The following TRMT9B variants were observed in gnomAD, a reference collection of about 807,000 sequenced individuals.
The protein encoded by TRMT9B is probable tRNA methyltransferase 9B.
Under a neutral mutation model 11.5 loss-of-function variants are expected in TRMT9B, and 16 were observed. The ratio of observed to expected loss-of-function variants is 1.39; its 90% CI spans 0.94 to 2.11. The LOEUF (loss-of-function observed/expected upper bound fraction) is 2.11. Among genes scored for constraint, TRMT9B ranks in the 30% most tolerant of loss-of-function variants. The pLI is 0.00. For synonymous variants in TRMT9B, 274 were observed against 192.4 expected (o/e 1.42, Z -3.51); for missense variants, 941 against 553.8 (o/e 1.70, Z -7.02).
At chr8:12,971,835 T>C (rs1803680641) in intron 1 of TRMT9B, among the ~76,000 whole-genome samples, 2 of 152,236 alleles carry the variant, frequency 1.3e-5, no homozygotes, top group Non-Finnish European at 2.9e-5. Context: ...ATATTTCCTA[T>C]TTATTTGTCC....
rs900325116 is a variant in TRMT9B, at chr8:13,006,221, C to G, written c.19C>G (p.Gln7Glu). The G allele has an allele frequency of 6.2e-7, 1 of 1,613,936 alleles. No homozygotes were observed. ...CTCCAGGATGGATCATGAAGCCGCC[C>G]AGCTGGAGAAGCAGCATGTGCACAA... MDHEAAQLEKQHVHNVY... is the reference protein window; with the variant it reads MDHEAAELEKQHVHNVY... Residue 7 changes from glutamine (Q) to glutamate (E), a missense_variant, in exon 3 of 5, where the codon CAG becomes GAG. Transcript: ENST00000524591.
At chr8:13,008,403 G>A (rs995623977) in intron 3 of TRMT9B, among the ~76,000 whole-genome samples, 4 of 152,144 alleles carry the variant, frequency 2.6e-5, no homozygotes, top group Non-Finnish European at 4.4e-5. Context: ...ACTTGATTAC[G>A]GTATGGGAGC....
At chr8:12,949,014 C>G (rs868674750) in intron 1 of TRMT9B, among the ~76,000 whole-genome samples, 2 of 152,242 alleles carry the variant, frequency 1.3e-5, no homozygotes, top group South Asian at 4.2e-4. Flanking sequence ...TCATAGTTGT[C>G]TAATTTCTGT....
At chr8:13,005,301 G>C (rs957775149) in intron 2 of TRMT9B, among the ~76,000 whole-genome samples, 4 of 152,092 alleles carry the variant, frequency 2.6e-5, no homozygotes, top group Admixed American at 6.5e-5. Context: ...AAGCGTAGCG[G>C]GGAGGTGGGA....
intron 1 of TRMT9B, among the ~76,000 whole-genome samples, chr8:12,979,355 T>C (rs966618843): frequency 2.6e-5 from 4 of 152,132 alleles, no homozygotes; most frequent in African/African-American, 9.7e-5. Flanking sequence ...GCCTTAGCAC[T>C]ACAGCTTCAA....
chr8:13,006,411 A>G lies in TRMT9B; in HGVS notation c.154+55A>G, dbSNP rs965996245. 53 of 1,497,436 alleles carry G rather than the reference A, an allele frequency of 3.5e-5. No individual in the cohort carries two copies. The South Asian group carries it at 5.6e-4, about 16-fold the overall frequency. The allele number at this position is 1,497,436 out of a possible 1,614,324, so 92.8% of individuals were successfully genotyped here. A position where few individuals can be genotyped will look rare whatever the true frequency, so the allele number is the denominator to read the frequency against. On this transcript the variant is annotated intron_variant, in intron 3 of 4. Coordinates refer to ENST00000524591, the MANE Select transcript of TRMT9B (RefSeq NM_020844.3). ...GTAACCAGGCAGCCTCATCGCTGAC[A>G]TAGGTAACCAGGCAGCCTCATCGCT...
chr8:12,974,235 C>T (rs1804073151), intron 1 of TRMT9B, among the ~76,000 whole-genome samples: 1 of 151,986 alleles, frequency 6.6e-6, no homozygotes, highest in African/African-American at 2.4e-5. Context: ...CCTTCACCAC[C>T]ACCGTGACCC....
chr8:12,973,811 T>TAGTTCCCACCGTGCCC (rs1272233254), intron 1 of TRMT9B, among the ~76,000 whole-genome samples: 1 of 152,144 alleles, frequency 6.6e-6, no homozygotes, highest in Non-Finnish European at 1.5e-5. Flanking sequence ...GAACAGCCTT[T>TAGTTCCCACCGTGCCC]AGTTCCCACC....
chr8:13,012,629 A>C, intron 3 of TRMT9B, 55 bp from the exon 4 acceptor site: 1 of 1,521,790 alleles, frequency 6.6e-7, no homozygotes, highest in African/African-American at 1.4e-5. Flanking sequence ...AGACAAATGA[A>C]GTATTTCACA....
intron 2 of TRMT9B, among the ~76,000 whole-genome samples, chr8:12,997,833 C>T (rs898756390): frequency 1.3e-5 from 2 of 152,078 alleles, no homozygotes; most frequent in African/African-American, 2.4e-5. Context: ...AGGCGGTTTT[C>T]CAAACAGATT....
In TRMT9B at chr8:12,977,647, G is replaced by C. The variant is rs193043445; in HGVS notation, c.-199-13187G>C. ...ACACGGGAGGCAGAGGTTGCAGTGA[G>C]CTGAGATCACGCAACTGCATTCCAG... On this transcript the variant is annotated intron_variant, in intron 1 of 4. Coordinates refer to ENST00000524591, the MANE Select transcript of TRMT9B (RefSeq NM_020844.3). Among the ~76,000 whole-genome samples, 41 of 152,230 alleles carry C rather than the reference G, an allele frequency of 2.7e-4. No homozygotes were observed. The East Asian group carries it at 7.4e-3, about 27-fold the overall frequency.
intron 2 of TRMT9B, among the ~76,000 whole-genome samples, chr8:13,003,261 C>G (rs774675069): frequency 2.8e-4 from 42 of 152,288 alleles, no homozygotes; most frequent in Middle Eastern, 6.8e-3. Context: ...AAAATACTTT[C>G]ATACTGATGG....
At chr8:12,976,396 T>A (rs1804456626) in intron 1 of TRMT9B, among the ~76,000 whole-genome samples, 1 of 151,940 alleles carries the variant, frequency 6.6e-6, no homozygotes, top group Non-Finnish European at 1.5e-5. Flanking sequence ...TAAAGTGAAT[T>A]TCTTGGTCAG....
chr8:12,981,130 A>G (rs765769270), intron 1 of TRMT9B, among the ~76,000 whole-genome samples: 4 of 152,096 alleles, frequency 2.6e-5, no homozygotes, highest in Non-Finnish European at 5.9e-5. Flanking sequence ...GAAGCAACAC[A>G]TTGATTTAGA....
intron 1 of TRMT9B, 125 bp downstream of exon 1, chr8:12,946,091 T>C (rs961474578): frequency 6.6e-6 from 1 of 152,236 alleles, no homozygotes; most frequent in Non-Finnish European, 1.5e-5. Flanking sequence ...TTGCTCCCCA[T>C]TGCTTTTCTC....
intron 1 of TRMT9B, among the ~76,000 whole-genome samples, chr8:12,989,990 G>A (rs1362056428): frequency 6.6e-6 from 1 of 152,148 alleles, no homozygotes; most frequent in Admixed American, 6.5e-5. Context: ...TCTTAAATAG[G>A]GGCCAGGACT....
chr8:13,016,234 A>AG lies in TRMT9B; in HGVS notation c.328+3377_328+3378insG, dbSNP rs1812660164. ...TATAAAATATAAATGTGAAATATAT[A>AG]TTATATATAAAATATAAATGTGAAA... is the stretch of plus-strand genomic sequence containing the variant. On this transcript the variant is annotated intron_variant, in intron 4 of 4. Coordinates refer to ENST00000524591, the MANE Select transcript of TRMT9B (RefSeq NM_020844.3). Among the ~76,000 whole-genome samples the AG allele has an allele frequency of 2.6e-5, 3 of 113,914 alleles. 1 individual carries two copies. Among genetic ancestry groups the AG allele is most frequent in the East Asian group, 6.7e-4 (2 of 2,970 alleles). 74.7% of individuals were successfully genotyped at this position (113,914 alleles called of 152,430 possible).
At chr8:12,999,192 A>G (rs1248736232) in intron 2 of TRMT9B, among the ~76,000 whole-genome samples, 2 of 151,390 alleles carry the variant, frequency 1.3e-5, no homozygotes, top group East Asian at 3.9e-4. Context: ...CCAGGTACTC[A>G]GGAGGCTGAG....
At chr8:12,996,384 G>A (rs1395590570) in intron 2 of TRMT9B, among the ~76,000 whole-genome samples, 1 of 152,152 alleles carries the variant, frequency 6.6e-6, no homozygotes, top group Non-Finnish European at 1.5e-5. Flanking sequence ...CTGGTTACTG[G>A]ATAATCTGGC....
Sources: allele counts gnomAD v4.1 joint callset (sites outside exome capture counted in the v4.1 genomes callset), GRCh38; gene constraint gnomAD v4.1.1; transcripts MANE v1.5; gene names NCBI Gene and HGNC (gene_info 2026-07-23, HGNC 2026-07-21).